SLC4A4: variants seen among roughly 807,000 people sequenced by gnomAD.
SLC4A4 encodes the protein solute carrier family 4 member 4.
SLC4A4 carries 27 observed loss-of-function variants against 111.5 expected under a neutral mutation model. The ratio of observed to expected loss-of-function variants is 0.24; its 90% confidence interval spans 0.18 to 0.33. The LOEUF (loss-of-function observed/expected upper bound fraction) is 0.33. Among genes scored for constraint, SLC4A4 ranks in the 10% least tolerant of loss-of-function variants. SLC4A4 has a pLI of 1.00. For missense variants in SLC4A4, 909 were observed against 1,315.5 expected (o/e 0.69, Z 4.78); for synonymous variants, 443 against 463.4 (o/e 0.96, Z 0.57).
chr4:71,444,237 G>C (rs1725024695), intron 8 of SLC4A4, among the ~76,000 whole-genome samples: 1 of 152,164 alleles, frequency 6.6e-6, no homozygotes, highest in Non-Finnish European at 1.5e-5. Context: ...TTGTGAATGT[G>C]AGTATAGGCC....
intron 15 of SLC4A4, among the ~76,000 whole-genome samples, chr4:71,495,634 G>A (rs1006424877): frequency 4.6e-5 from 7 of 152,010 alleles, no homozygotes; most frequent in Non-Finnish European, 1.0e-4. Flanking sequence ...CTCTTTCTGG[G>A]AAGAGATTCT....
chr4:71,117,038 G>T (rs977306444), intron 2 of SLC4A4, among the ~76,000 whole-genome samples: 1 of 151,888 alleles, frequency 6.6e-6, no homozygotes, highest in Non-Finnish European at 1.5e-5. Context: ...GTACAGTGGC[G>T]TGACCATGGC....
At chr4:71,122,307 C>CT (rs1423964508) in intron 2 of SLC4A4, among the ~76,000 whole-genome samples, 1 of 69,032 alleles carries the variant, frequency 1.4e-5, no homozygotes, top group East Asian at 3.7e-4. Flanking sequence ...AAGCAAGACT[C>CT]TGTCTCAAAA....
At chr4:71,331,956 T>A (rs1361202669) in intron 3 of SLC4A4, among the ~76,000 whole-genome samples, 1 of 152,176 alleles carries the variant, frequency 6.6e-6, no homozygotes, top group African/African-American at 2.4e-5. Context: ...TTTCTCAGTT[T>A]ATTGGCATAT....
intron 3 of SLC4A4, among the ~76,000 whole-genome samples, chr4:71,336,454 C>T (rs1728440281): frequency 6.6e-6 from 1 of 152,136 alleles, no homozygotes; most frequent in Admixed American, 6.5e-5. Context: ...AATATTTATT[C>T]AGTACACAGT....
intron 14 of SLC4A4, among the ~76,000 whole-genome samples, chr4:71,474,862 A>G (rs1407762387): frequency 1.3e-5 from 2 of 151,820 alleles, no homozygotes; most frequent in Non-Finnish European, 2.9e-5. Context: ...AATATGTGTC[A>G]TTCAACCCAT....
At chr4:71,348,315 A>T (rs1329012393) in intron 4 of SLC4A4, among the ~76,000 whole-genome samples, 4 of 3,582 alleles carry the variant, frequency 1.1e-3, no homozygotes, top group Non-Finnish European at 3.9e-3. Flanking sequence ...TAATTTAGTC[A>T]CACACACACA....
At chr4:71,221,983 C>T (rs1022154921) in intron 1 of SLC4A4, among the ~76,000 whole-genome samples, 9 of 152,162 alleles carry the variant, frequency 5.9e-5, no homozygotes, top group African/African-American at 1.9e-4. Context: ...GAAAGACCTT[C>T]TAAGCAGGTT....
chr4:71,072,824 G>A (rs529465894), intron 1 of SLC4A4, among the ~76,000 whole-genome samples: 2 of 152,086 alleles, frequency 1.3e-5, no homozygotes, highest in African/African-American at 4.8e-5. Context: ...CTGGAGTGCA[G>A]TGGCGTGATT....
chr4:71,529,746 C>T (rs924367957), intron 16 of SLC4A4, among the ~76,000 whole-genome samples: 1 of 152,150 alleles, frequency 6.6e-6, no homozygotes, highest in Non-Finnish European at 1.5e-5. Flanking sequence ...AGGAGGAAAG[C>T]TATCTGCCTT....
chr4:71,090,295 A>T (rs1305702194), intron 1 of SLC4A4, among the ~76,000 whole-genome samples: 2 of 151,900 alleles, frequency 1.3e-5, no homozygotes, highest in East Asian at 3.9e-4. Flanking sequence ...GTCATCTGTC[A>T]CCCCTTTCTT....
chr4:71,536,483 T>TAC (rs1170611711), intron 18 of SLC4A4, among the ~76,000 whole-genome samples: 4 of 97,690 alleles, frequency 4.1e-5, no homozygotes, highest in South Asian at 4.0e-4. Flanking sequence ...TATATATATA[T>TAC]ATATGTATAT....
chr4:71,360,849 G>A (rs768564732), intron 6 of SLC4A4, among the ~76,000 whole-genome samples: 2 of 152,062 alleles, frequency 1.3e-5, no homozygotes, highest in African/African-American at 2.4e-5. Flanking sequence ...AGTTAAAGAC[G>A]GGGTTCTTGT....
chr4:71,376,948 A>C (rs1424204124), intron 6 of SLC4A4, among the ~76,000 whole-genome samples: 1 of 152,102 alleles, frequency 6.6e-6, no homozygotes, highest in Non-Finnish European at 1.5e-5. Context: ...ATTTGGTTGT[A>C]TATTAAAGAG....
chr4:71,509,339 A>G (rs1298827016), intron 16 of SLC4A4, among the ~76,000 whole-genome samples: 2 of 152,148 alleles, frequency 1.3e-5, no homozygotes, highest in Non-Finnish European at 2.9e-5. Flanking sequence ...TTGTGTCTCT[A>G]TGTTGATATC....
At chr4:71,202,470 C>T (rs1746302233) in intron 1 of SLC4A4, among the ~76,000 whole-genome samples, 1 of 152,080 alleles carries the variant, frequency 6.6e-6, no homozygotes, top group South Asian at 2.1e-4. Context: ...CTAATTGCAC[C>T]GTTAACATTA....
chr4:71,122,042 A>G (rs1743446530), intron 2 of SLC4A4, among the ~76,000 whole-genome samples: 1 of 152,126 alleles, frequency 6.6e-6, no homozygotes, highest in South Asian at 2.1e-4. Context: ...CGAGACCACG[A>G]ACCCACCAGA....
rs147955323 is a variant in SLC4A4 at position 71,546,361 on chromosome 4, G to A, written c.2454G>A (p.Gly818=). ...RKEHKLKKGA[G]YHLDLFWVAI... Reference sequence around the variant, plus strand: ...ATCTCTTTCTACAGAAAGGAGCAGGGTATCACTTGGATCTCTTTTGGGTGG... The same window carrying A: ...ATCTCTTTCTACAGAAAGGAGCAGGATATCACTTGGATCTCTTTTGGGTGG... Residue 818 remains glycine, a synonymous_variant, in exon 19 of 26, where the codon GGG becomes GGA. Coordinates refer to ENST00000264485, the MANE Select transcript of SLC4A4 (RefSeq NM_001098484.3). 2 of 1,612,382 alleles carry A rather than the reference G, an allele frequency of 1.2e-6. No homozygotes were observed. The highest frequency in any genetic ancestry group is 1.7e-6 in the Non-Finnish European group (2 of 1,178,744).
At chr4:71,271,152 T>C (rs1722678973) in intron 3 of SLC4A4, among the ~76,000 whole-genome samples, 1 of 152,160 alleles carries the variant, frequency 6.6e-6, no homozygotes, top group South Asian at 2.1e-4. Flanking sequence ...CTTCTCTGAT[T>C]ATAAAAATAA....
Sources: gnomAD v4.1 joint callset for allele counts (sites outside exome capture counted in the v4.1 genomes callset) on GRCh38, gnomAD v4.1.1 for gene constraint, MANE v1.5 for transcripts, NCBI Gene and HGNC (gene_info 2026-07-23, HGNC 2026-07-21) for gene names.